The following HDAC4 variants were observed in gnomAD, a reference collection of about 807,000 sequenced individuals.
HDAC4 encodes the protein histone deacetylase 4.
In HDAC4, 16 loss-of-function variants were observed where a neutral mutation model predicts 135.1. The observed-to-expected ratio is 0.12, with a 90% CI of 0.08 to 0.18. The LOEUF is 0.18. HDAC4 is among the 10% of genes least tolerant of loss of function. HDAC4 has a pLI of 1.00. For synonymous variants in HDAC4, 685 were observed against 653.4 expected (o/e 1.05, Z -0.74); for missense variants, 1,143 against 1,511.8 (o/e 0.76, Z 4.05).
At chr2:239,286,715 A>G (rs1159158595) in intron 2 of HDAC4, among the ~76,000 whole-genome samples, 3 of 149,736 alleles carry the variant, frequency 2.0e-5, no homozygotes, top group Non-Finnish European at 4.5e-5. Flanking sequence ...AGAAGATGTG[A>G]CGAGCAGCCA....
intron 22 of HDAC4, among the ~76,000 whole-genome samples, chr2:239,079,869 C>T (rs570412710): frequency 1.1e-3 from 170 of 152,368 alleles, no homozygotes; most frequent in African/African-American, 4.0e-3. Flanking sequence ...CATGCAAAGA[C>T]AAGCACATGG....
chr2:239,083,360 G>C (rs1021753865), intron 20 of HDAC4, among the ~76,000 whole-genome samples: 1 of 152,212 alleles, frequency 6.6e-6, no homozygotes, highest in African/African-American at 2.4e-5. Flanking sequence ...CCTTGGGTGT[G>C]GGGGACCCGC....
intron 15 of HDAC4, among the ~76,000 whole-genome samples, chr2:239,105,021 C>T: frequency 6.6e-6 from 1 of 152,240 alleles, no homozygotes; most frequent in East Asian, 1.9e-4. Context: ...CGCGATGGCT[C>T]AGGCTGTAGC....
intron 14 of HDAC4, 150 bp from the exon 15 acceptor site, chr2:239,108,333 C>G (rs962684539): frequency 1.7e-5 from 18 of 1,039,312 alleles, no homozygotes; most frequent in Non-Finnish European, 1.9e-5. Flanking sequence ...ACCACGTTTG[C>G]CAAGACTCCT....
intron 3 of HDAC4, among the ~76,000 whole-genome samples, chr2:239,228,731 T>C (rs1204397768): frequency 6.6e-6 from 1 of 152,122 alleles, no homozygotes; most frequent in African/African-American, 2.4e-5. Context: ...AGAGGTAATA[T>C]GCCTTCAGCC....
chr2:239,208,472 T>C (rs1347137088), intron 3 of HDAC4, among the ~76,000 whole-genome samples: 1 of 152,120 alleles, frequency 6.6e-6, no homozygotes, highest in Non-Finnish European at 1.5e-5. Context: ...TTATAAAAGC[T>C]GTTAGCAAAC....
chr2:239,389,382 G>A (rs762077270), intron 1 of HDAC4, among the ~76,000 whole-genome samples: 1 of 152,212 alleles, frequency 6.6e-6, no homozygotes, highest in Admixed American at 6.5e-5. Flanking sequence ...AAGGTCCGCA[G>A]CTTCATTCTT....
intron 2 of HDAC4, among the ~76,000 whole-genome samples, chr2:239,288,017 C>T (rs202008744): frequency 6.7e-6 from 1 of 150,190 alleles, no homozygotes; most frequent in East Asian, 1.9e-4. Context: ...TTTTTACAAA[C>T]TTTCAAGGAA....
At chr2:239,359,326 T>C (rs988020341) in intron 1 of HDAC4, among the ~76,000 whole-genome samples, 4 of 152,244 alleles carry the variant, frequency 2.6e-5, no homozygotes, top group Admixed American at 2.0e-4. Flanking sequence ...TATACCCATG[T>C]AACTCTATTA....
chr2:239,103,859 G>T (rs1337162648), intron 15 of HDAC4, among the ~76,000 whole-genome samples: 2 of 152,266 alleles, frequency 1.3e-5, no homozygotes, highest in African/African-American at 4.8e-5. Context: ...TGCACCTGGG[G>T]GTCCTGTCCA....
chr2:239,172,286 G>GA (rs1352369078), intron 5 of HDAC4, among the ~76,000 whole-genome samples: 1,446 of 89,108 alleles, frequency 0.016, 13 homozygotes, highest in Middle Eastern at 0.05. Context: ...CCAAGCTGGT[G>GA]AAAAAAAATA....
intron 2 of HDAC4, among the ~76,000 whole-genome samples, chr2:239,289,206 A>C (rs2051316129): frequency 6.6e-6 from 1 of 152,234 alleles, no homozygotes; most frequent in Non-Finnish European, 1.5e-5. Flanking sequence ...CCTGCACCCC[A>C]CACAAAAACC....
At position 239,051,952 on chromosome 2, in the gene HDAC4, TTATACA is replaced by T. The variant is rs2030919225; in HGVS notation, c.*1139_*1144del. ...AGCTTGGAATACATTGGAATATATA[TTATACA>T]TATATATATTTATTTATACCTAAAA... On this transcript the variant is annotated 3_prime_UTR_variant, in exon 27 of 27. Transcript: ENST00000543185. 1 of 151,620 alleles carries T rather than the reference TTATACA, an allele frequency of 6.6e-6. No individual in the cohort carries two copies. Among genetic ancestry groups the T allele is most frequent in the Non-Finnish European group, 1.5e-5 (1 of 67,924 alleles). 9.4% of individuals were successfully genotyped at this position (151,620 alleles called of 1,614,324 possible).
At chr2:239,191,337 T>A (rs533195862) in intron 3 of HDAC4, among the ~76,000 whole-genome samples, 33 of 152,296 alleles carry the variant, frequency 2.2e-4, no homozygotes, top group South Asian at 1.0e-3. Flanking sequence ...ACTCAGCCCG[T>A]CTCTGGACTG....
intron 14 of HDAC4, 31 bp from the exon 15 acceptor site, chr2:239,108,214 G>C (rs377390854): frequency 6.3e-7 from 1 of 1,579,276 alleles, no homozygotes; most frequent in Admixed American, 1.8e-5. Flanking sequence ...CAAGATCAGC[G>C]CACATCCAGG....
rs369124920 is a variant in HDAC4 at position 239,139,636 on chromosome 2, C to A, written c.978+48G>T. 7.3e-6 allele frequency: 11 copies of A among 1,515,766 alleles called. No individual in the cohort carries two copies. The highest frequency in any genetic ancestry group is 1.4e-5 in the African/African-American group (1 of 73,078). The allele number at this position is 1,515,766 out of a possible 1,614,324, so 93.9% of individuals were successfully genotyped here. ...GGGGTCATTTCAAGCTCATCCGTCCCGAGTCCGACTCTAGCCGTAGGACAC... is the reference window on the plus strand; with the variant it reads ...GGGGTCATTTCAAGCTCATCCGTCCAGAGTCCGACTCTAGCCGTAGGACAC... On this transcript the variant is annotated intron_variant, in intron 9 of 26. Coordinates refer to ENST00000543185, the MANE Select transcript of HDAC4 (RefSeq NM_001378414.1). This position sits in a 1 kb window ranked among gnomAD's most constrained non-coding sequence, Gnocchi z 5.3.
chr2:239,083,694 G>A (rs1430478007), intron 20 of HDAC4, among the ~76,000 whole-genome samples: 4 of 152,078 alleles, frequency 2.6e-5, no homozygotes, highest in Admixed American at 1.3e-4. Flanking sequence ...TGACTCTTTT[G>A]GGGGCAGTGG....
At chr2:239,127,462 T>C (rs2040272838) in intron 11 of HDAC4, among the ~76,000 whole-genome samples, 1 of 152,236 alleles carries the variant, frequency 6.6e-6, no homozygotes, top group Non-Finnish European at 1.5e-5. Flanking sequence ...GAGATATATA[T>C]AAATTGTTGG....
At chr2:239,362,283 C>T (rs544234110) in intron 1 of HDAC4, among the ~76,000 whole-genome samples, 2 of 152,292 alleles carry the variant, frequency 1.3e-5, no homozygotes, top group Non-Finnish European at 2.9e-5. Context: ...GCAAATGCAT[C>T]ACTAACGCTT....
Sources: gnomAD v4.1 joint callset for allele counts (sites outside exome capture counted in the v4.1 genomes callset) on GRCh38, gnomAD v4.1.1 for gene constraint, Gnocchi (gnomAD v3.1) non-coding constraint, MANE v1.5 for transcripts, NCBI Gene and HGNC (gene_info 2026-07-23, HGNC 2026-07-21) for gene names.